KIF21B: variants seen among roughly 807,000 people sequenced by gnomAD.
The protein encoded by KIF21B is kinesin-like protein KIF21B.
In KIF21B, 85 loss-of-function variants were observed where a neutral mutation model predicts 192.9. The observed-to-expected ratio is 0.44, with a 90% CI of 0.37 to 0.53. The LOEUF (loss-of-function observed/expected upper bound fraction) is 0.53, where lower values mean the gene tolerates loss of function less well. Ranked by LOEUF, KIF21B falls within the 20% of genes least tolerant of loss-of-function variation. The pLI is 0.00. For synonymous variants in KIF21B, 832 were observed against 884.6 expected (o/e 0.94, Z 1.05); for missense variants, 1,716 against 2,194.8 (o/e 0.78, Z 4.36).
intron 1 of KIF21B, among the ~76,000 whole-genome samples, chr1:201,013,796 C>T (rs1009765596): frequency 2.6e-5 from 4 of 152,238 alleles, no homozygotes; most frequent in African/African-American, 9.6e-5. Flanking sequence ...CAACTTAGTG[C>T]AATATTTTAA....
At chr1:201,006,045 A>C (rs1290633640) in intron 3 of KIF21B, among the ~76,000 whole-genome samples, 1 of 152,230 alleles carries the variant, frequency 6.6e-6, no homozygotes, top group Non-Finnish European at 1.5e-5. Flanking sequence ...GTATTCCTGG[A>C]CTTGGAAAGA....
At position 200,982,386 on chromosome 1, in the gene KIF21B, C is replaced by T. The variant is rs901555604; in HGVS notation, c.3842+670G>A. On this transcript the variant is annotated intron_variant, in intron 28 of 34. Coordinates refer to ENST00000461742, the MANE Select transcript of KIF21B (RefSeq NM_001252102.2). The surrounding 1 kb of genome is among the most constrained non-coding windows in gnomAD (Gnocchi z 4.7). ...GAGAGCCGAGGAAGCTCTCAGCCCA[C>T]GAGGGGCCCTTGGCTTGTCAGGGGC... Among the ~76,000 whole-genome samples, 14 of 152,336 alleles carry T rather than the reference C, an allele frequency of 9.2e-5. No homozygotes were observed. The highest frequency in any genetic ancestry group is 2.6e-4 in the African/African-American group (11 of 41,568).
chr1:200,976,863 G>A lies in KIF21B; in HGVS notation c.4356C>T (p.His1452=), dbSNP rs1256763512. The A allele has an allele frequency of 1.2e-6, 2 of 1,612,430 alleles. No homozygotes were observed. The highest frequency in any genetic ancestry group is 1.7e-6 in the Non-Finnish European group (2 of 1,178,740). The change falls in exon 32 of 35, where the codon CAC becomes CAT. Residue 1452 remains histidine, a synonymous_variant. Coordinates refer to ENST00000461742, the MANE Select transcript of KIF21B (RefSeq NM_001252102.2). ...CCGTCAGGCACATCACAGGGCCGAT[G>A]TGGCCAGTCAGCTTGCCGACAGGCT... The part of the protein sequence containing the change: ...RFQPVGKLTG[H]IGPVMCLTVT...
chr1:201,000,410 C>A lies in KIF21B; in HGVS notation c.1665G>T (p.Glu555Asp). Residue 555 changes from glutamate (E) to aspartate (D), a missense_variant, in exon 11 of 35, where the codon GAG (glutamate) becomes GAT (aspartate). Physicochemically the swap from Glu to Asp is conservative, Grantham distance 45. Around this residue, in one of 3 missense-constraint regions of KIF21B, gnomAD observed 1,087 missense variants for 1,316.6 expected, o/e 0.83. Transcript: ENST00000461742. This position sits in a 1 kb window ranked among gnomAD's most constrained non-coding sequence, Gnocchi z 6.0. The part of the protein sequence containing the change: ...KQDLERLKKK[E>D]VRQRRKSPEK... ...CTCACCTCTTCCTCCGCTGCCTGAC[C>A]TCCTTCTTCTTTAGCCGCTCCAGGT... 1 of 1,559,202 alleles carries A rather than the reference C, an allele frequency of 6.4e-7. No homozygotes were observed.
At chr1:201,022,347 A>G (rs1348120344) in intron 1 of KIF21B, among the ~76,000 whole-genome samples, 3 of 152,178 alleles carry the variant, frequency 2.0e-5, no homozygotes, top group Non-Finnish European at 4.4e-5. Flanking sequence ...GGGCTGGGGC[A>G]GAGATAGATG....
chr1:200,983,175 G>T, intron 27 of KIF21B, 81 bp from the exon 28 acceptor site: 1 of 1,256,926 alleles, frequency 8.0e-7, no homozygotes, highest in Non-Finnish European at 1.1e-6. Flanking sequence ...AGCAGTGTGT[G>T]GGGTGGTCAG....
chr1:200,980,816 A>C (rs894012099), intron 29 of KIF21B, 144 bp downstream of exon 29: 3 of 1,033,530 alleles, frequency 2.9e-6, no homozygotes, highest in Non-Finnish European at 1.4e-6. Context: ...CAAGGTAAGA[A>C]ACAAGGGTAG....
Position 200,977,244 on chromosome 1 carries a change from C to T in KIF21B, c.4293G>A (p.Ser1431=), listed in dbSNP as rs1010011528. ...GCTCCCAGATGCGGACGGCATTGCC[C>T]GAGGCGGCGTACAGCATGGTGCCCG... ...SPSGTMLYAA[S]GNAVRIWELS... The change falls in exon 31 of 35, where the codon TCG becomes TCA. Residue 1431 remains serine, a synonymous_variant. Coordinates refer to ENST00000461742, the MANE Select transcript of KIF21B (RefSeq NM_001252102.2). 28 of 1,613,586 alleles carry T rather than the reference C, an allele frequency of 1.7e-5. No individual in the cohort carries two copies. Among genetic ancestry groups the T allele is most frequent in the South Asian group, 1.4e-4 (13 of 91,068 alleles).
intron 31 of KIF21B, 133 bp downstream of exon 31, chr1:200,977,079 G>T: frequency 8.8e-7 from 1 of 1,141,404 alleles, no homozygotes; most frequent in Non-Finnish European, 1.3e-6. Flanking sequence ...AGAGGGCACA[G>T]GCCCAGCAGC....
chr1:201,009,191 G>T (rs1377351405), intron 2 of KIF21B, 75 bp downstream of exon 2: 11 of 1,402,442 alleles, frequency 7.8e-6, no homozygotes, highest in Non-Finnish European at 1.1e-5. Context: ...CTGCTCTGAA[G>T]GTGGAGCTTT....
chr1:200,977,367 G>A lies in KIF21B; in HGVS notation c.4170C>T (p.Gly1390=). Reference sequence around the variant, plus strand: ...CACAGGCATCCCCTGAGATCACCTGGCCCGAGGACCTGCCCATCGGAGAAA... The same window carrying A: ...CACAGGCATCCCCTGAGATCACCTGACCCGAGGACCTGCCCATCGGAGAAA... ...AKCIRTLTSS[G]QVISGDACAA... is the part of the protein sequence containing the mutation. Residue 1390 remains glycine, a synonymous_variant, in exon 31 of 35, where the codon GGC becomes GGT. Coordinates refer to ENST00000461742, the MANE Select transcript of KIF21B (RefSeq NM_001252102.2). 6.2e-7 allele frequency: 1 copy of A among 1,613,996 alleles called. No individual in the cohort carries two copies. Among genetic ancestry groups the A allele is most frequent in the Non-Finnish European group, 8.5e-7 (1 of 1,179,846 alleles).
In KIF21B at chr1:200,988,203, G is replaced by A. The variant is rs966270736; in HGVS notation, c.3408+93C>T. 2.4e-6 allele frequency: 3 copies of A among 1,248,164 alleles called. No homozygotes were observed. In the East Asian group the frequency reaches 6.9e-5, roughly 29 times the overall value. 77.3% of individuals were successfully genotyped at this position (1,248,164 alleles called of 1,614,324 possible). A position where few individuals can be genotyped will look rare whatever the true frequency, so the allele number is the denominator to read the frequency against. On this transcript the variant is annotated intron_variant, in intron 24 of 34. Transcript: ENST00000461742. ...CAGCTGGGGACAACATTGTGTTGTG[G>A]CTGAGGGTGGAGCAGAGCCACAGTA... is the stretch of plus-strand genomic sequence containing the variant.
chr1:200,991,822 C>CT, intron 16 of KIF21B, 97 bp from the exon 17 acceptor site: 1 of 1,259,848 alleles, frequency 7.9e-7, no homozygotes, highest in Non-Finnish European at 1.1e-6. Flanking sequence ...AAAGCCTGGG[C>CT]TTCAGGGTGA....
intron 5 of KIF21B, 120 bp from the exon 6 acceptor site, chr1:201,005,053 T>G (rs749981046): frequency 4.9e-5 from 57 of 1,174,608 alleles, no homozygotes; most frequent in African/African-American, 7.7e-5. Context: ...CCTTCGCACA[T>G]GCAGAGCATC....
At chr1:200,989,215 C>T (rs1656514034) in intron 21 of KIF21B, among the ~76,000 whole-genome samples, 1 of 152,208 alleles carries the variant, frequency 6.6e-6, no homozygotes, top group South Asian at 2.1e-4. Context: ...AAGAAACCAG[C>T]CCTGCCAACA....
chr1:200,984,796 C>T (rs1201659931), intron 27 of KIF21B, 63 bp downstream of exon 27: 1 of 1,259,672 alleles, frequency 7.9e-7, no homozygotes, highest in Non-Finnish European at 1.1e-6. Flanking sequence ...CAGCAAGGAC[C>T]ATCCACAGGC....
intron 1 of KIF21B, among the ~76,000 whole-genome samples, chr1:201,020,401 CCCAGGTGACTG>C (rs1658750843): frequency 6.6e-6 from 1 of 152,182 alleles, no homozygotes; most frequent in South Asian, 2.1e-4. Flanking sequence ...CACCTCCTCC[CCCAGGTGACTG>C]CCAGTTCTAG....
At chr1:200,985,401 T>C (rs1443866208) in intron 26 of KIF21B, among the ~76,000 whole-genome samples, 1 of 152,068 alleles carries the variant, frequency 6.6e-6, no homozygotes, top group African/African-American at 2.4e-5. Context: ...GGTGGGAGGA[T>C]CGCTTGAGCC....
At chr1:200,994,325 G>A (rs1039309418) in intron 15 of KIF21B, among the ~76,000 whole-genome samples, 8 of 152,310 alleles carry the variant, frequency 5.3e-5, no homozygotes, top group South Asian at 2.1e-4. Context: ...TCTGTGAATC[G>A]CTGGGGCCCT....
Sources: allele counts gnomAD v4.1 joint callset (sites outside exome capture counted in the v4.1 genomes callset), GRCh38; gene constraint gnomAD v4.1.1; regional missense constraint gnomAD v4.1.1; non-coding constraint Gnocchi (gnomAD v3.1); transcripts MANE v1.5; gene names NCBI Gene and HGNC (gene_info 2026-07-23, HGNC 2026-07-21).